PPARD: variants seen among roughly 807,000 people sequenced by gnomAD.
The protein encoded by PPARD is peroxisome proliferator-activated receptor delta.
In PPARD, 6 loss-of-function variants were observed where a neutral mutation model predicts 39.5. The observed-to-expected ratio is 0.15, with a 90% CI of 0.08 to 0.30. The LOEUF is 0.30. Among genes scored for constraint, PPARD ranks in the 10% least tolerant of loss-of-function variants. The probability of loss-of-function intolerance (pLI) is 1.00; values close to 1 mark genes in which losing one functional copy is unlikely to be tolerated. For missense variants in PPARD, 397 were observed against 596.8 expected (o/e 0.67, Z 3.49); for synonymous variants, 210 against 231.3 (o/e 0.91, Z 0.83).
At position 35,411,148 on chromosome 6, in the gene PPARD, G is replaced by C. The variant is rs1456950844; in HGVS notation, c.61G>C (p.Ala21Pro). Residue 21 changes from alanine (A) to proline (P), a missense_variant, in exon 3 of 8, where the codon GCA becomes CCA. Ala to Pro is a conservative substitution (Grantham distance 27). Transcript: ENST00000360694. ...VREEEEKEEVAEAEGAPELNG... is the reference protein window; with the variant it reads ...VREEEEKEEVPEAEGAPELNG... ...GGAAGAGGAGGAGAAAGAGGAAGTGGCAGAGGCAGAAGGAGCCCCAGAGCT... is the reference window on the plus strand; with the variant it reads ...GGAAGAGGAGGAGAAAGAGGAAGTGCCAGAGGCAGAAGGAGCCCCAGAGCT... 6 of 1,582,626 alleles carry C rather than the reference G, an allele frequency of 3.8e-6. No homozygotes were observed. Among genetic ancestry groups the C allele is most frequent in the Non-Finnish European group, 5.2e-6 (6 of 1,163,178 alleles).
intron 2 of PPARD, among the ~76,000 whole-genome samples, chr6:35,395,627 C>G (rs888108639): frequency 9.9e-5 from 15 of 152,142 alleles, no homozygotes; most frequent in African/African-American, 3.6e-4. Context: ...AGGTGCAGGC[C>G]AAGACTTGGT....
intron 2 of PPARD, among the ~76,000 whole-genome samples, chr6:35,365,130 C>CTT (rs551946022): frequency 0.032 from 3,924 of 120,966 alleles, 252 homozygotes; most frequent in East Asian, 0.23. Context: ...CTTCCTTATT[C>CTT]TTTTTTTTTT....
chr6:35,387,329 C>G (rs1672417153), intron 2 of PPARD, among the ~76,000 whole-genome samples: 2 of 152,156 alleles, frequency 1.3e-5, no homozygotes, highest in Admixed American at 1.3e-4. Flanking sequence ...CATGGTTTAC[C>G]CTCAGGATGA....
chr6:35,416,451 G>A (rs1356877180), intron 3 of PPARD, among the ~76,000 whole-genome samples: 8 of 142,354 alleles, frequency 5.6e-5, no homozygotes, highest in Non-Finnish European at 6.1e-5. Context: ...ACTGGGCACC[G>A]TGGCCTAATC....
Position 35,425,968 on chromosome 6 carries a change from C to T in PPARD, c.1215C>T (p.Asp405=), listed in dbSNP as rs200097443. The change falls in exon 8 of 8, where the codon GAC becomes GAT. Residue 405 remains aspartate (D), a synonymous_variant. Coordinates refer to ENST00000360694, the MANE Select transcript of PPARD (RefSeq NM_006238.5). The surrounding 1 kb of genome is among the most constrained non-coding windows in gnomAD (Gnocchi z 4.5). The part of the protein sequence containing the change: ...LFPKLLQKMA[D]LRQLVTEHAQ... ...CCAAGCTGCTGCAGAAGATGGCTGA[C>T]CTGCGGCAACTGGTCACCGAGCACG... is the stretch of plus-strand genomic sequence containing the variant. The T allele has an allele frequency of 2.5e-5, 40 of 1,614,062 alleles. No homozygotes were observed. The highest frequency in any genetic ancestry group is 3.4e-5 in the Non-Finnish European group (40 of 1,180,032).
chr6:35,392,484 T>C (rs1394775790), intron 2 of PPARD, among the ~76,000 whole-genome samples: 1 of 152,048 alleles, frequency 6.6e-6, no homozygotes, highest in Non-Finnish European at 1.5e-5. Context: ...TTAGGGTTGA[T>C]GCATGGGATC....
intron 2 of PPARD, among the ~76,000 whole-genome samples, chr6:35,398,465 T>G (rs1366744214): frequency 6.6e-6 from 1 of 152,192 alleles, no homozygotes; most frequent in Non-Finnish European, 1.5e-5. Context: ...TGTGTTAGGC[T>G]TGTGCTGCCA....
intron 2 of PPARD, among the ~76,000 whole-genome samples, chr6:35,398,147 G>C (rs1376630881): frequency 6.6e-6 from 1 of 152,162 alleles, no homozygotes; most frequent in Non-Finnish European, 1.5e-5. Flanking sequence ...GGAAGGATTT[G>C]ATCACAGGAG....
intron 2 of PPARD, among the ~76,000 whole-genome samples, chr6:35,383,051 T>G (rs1220275895): frequency 6.6e-6 from 1 of 152,108 alleles, no homozygotes; most frequent in African/African-American, 2.4e-5. Context: ...GTGTGACAGG[T>G]CATGGCTGGG....
intron 2 of PPARD, among the ~76,000 whole-genome samples, chr6:35,360,611 G>A (rs1228858752): frequency 2.0e-5 from 3 of 152,238 alleles, no homozygotes; most frequent in Non-Finnish European, 2.9e-5. Context: ...CCAGGTATGT[G>A]CAAATAGTTA....
intron 2 of PPARD, chr6:35,348,561 T>G: frequency 1.0e-6 from 1 of 985,426 alleles, no homozygotes; most frequent in Non-Finnish European, 1.2e-6. Context: ...TCCTGCCTGA[T>G]TTGTTTTAAT....
chr6:35,425,969 C>G lies in PPARD; in HGVS notation c.1216C>G (p.Leu406Val). 2.5e-6 allele frequency: 4 copies of G among 1,614,150 alleles called. No homozygotes were observed. The highest frequency in any genetic ancestry group is 3.4e-6 in the Non-Finnish European group (4 of 1,180,036). ...FPKLLQKMAD[L>V]RQLVTEHAQM... is the part of the protein sequence containing the mutation. ...CAAGCTGCTGCAGAAGATGGCTGAC[C>G]TGCGGCAACTGGTCACCGAGCACGC... The change falls in exon 8 of 8, where the codon CTG becomes GTG. Residue 406 changes from leucine (L) to valine (V), a missense_variant. Physicochemically the swap from Leu to Val is conservative, Grantham distance 32. Transcript: ENST00000360694. This position sits in a 1 kb window ranked among gnomAD's most constrained non-coding sequence, Gnocchi z 4.5.
chr6:35,400,090 T>C (rs552804580), intron 2 of PPARD, among the ~76,000 whole-genome samples: 1 of 152,172 alleles, frequency 6.6e-6, no homozygotes, highest in African/African-American at 2.4e-5. Flanking sequence ...AGCTTAACTG[T>C]GGGATTTTTC....
At chr6:35,406,296 G>C (rs1195758871) in intron 2 of PPARD, among the ~76,000 whole-genome samples, 1 of 152,224 alleles carries the variant, frequency 6.6e-6, no homozygotes, top group African/African-American at 2.4e-5. Context: ...GAATTGTGGT[G>C]GGTGGGGTGG....
At chr6:35,406,997 A>G (rs185681633) in intron 2 of PPARD, among the ~76,000 whole-genome samples, 4 of 152,190 alleles carry the variant, frequency 2.6e-5, no homozygotes, top group Admixed American at 2.6e-4. Flanking sequence ...GGGGGCCTAT[A>G]AGGCCTTAAT....
At chr6:35,354,898 C>T (rs761453144) in intron 2 of PPARD, among the ~76,000 whole-genome samples, 4 of 152,132 alleles carry the variant, frequency 2.6e-5, no homozygotes, top group East Asian at 1.9e-4. Context: ...TGCTGGAGAC[C>T]GGTGTGACTC....
chr6:35,418,162 C>T (rs191412702), intron 3 of PPARD, among the ~76,000 whole-genome samples: 1 of 152,304 alleles, frequency 6.6e-6, no homozygotes, highest in African/African-American at 2.4e-5. Context: ...GCCACAAAGA[C>T]AAAATTACAA....
chr6:35,409,676 C>T (rs979419640), intron 2 of PPARD, among the ~76,000 whole-genome samples: 5 of 152,010 alleles, frequency 3.3e-5, no homozygotes, highest in East Asian at 1.9e-4. Flanking sequence ...GACTAGTACC[C>T]GATAGTTATT....
intron 2 of PPARD, among the ~76,000 whole-genome samples, chr6:35,356,491 C>A (rs1402188586): frequency 6.6e-6 from 1 of 152,204 alleles, no homozygotes; most frequent in Non-Finnish European, 1.5e-5. Flanking sequence ...CCCTTAATTG[C>A]CTAAAACATC....
Sources: gnomAD v4.1 joint callset for allele counts (sites outside exome capture counted in the v4.1 genomes callset) on GRCh38, gnomAD v4.1.1 for gene constraint, Gnocchi (gnomAD v3.1) non-coding constraint, MANE v1.5 for transcripts, NCBI Gene and HGNC (gene_info 2026-07-23, HGNC 2026-07-21) for gene names.